The following FRAS1 variants were observed in gnomAD, a reference collection of about 807,000 sequenced individuals.
The protein encoded by FRAS1 is Fraser extracellular matrix complex subunit 1, also known as extracellular matrix organizing protein FRAS1.
In FRAS1, 290 loss-of-function variants were observed where a neutral mutation model predicts 435.2. The observed-to-expected ratio is 0.67, with a 90% confidence interval of 0.61 to 0.73. FRAS1 has a LOEUF of 0.73. Ranked by LOEUF, FRAS1 falls within the 30% of genes least tolerant of loss-of-function variation. The probability of loss-of-function intolerance (pLI) is 0.00; values close to 1 mark genes in which losing one functional copy is unlikely to be tolerated. For missense variants in FRAS1, 4,860 were observed against 5,001.5 expected (o/e 0.97, Z 0.85); for synonymous variants, 1,800 against 1,851.0 (o/e 0.97, Z 0.71).
At chr4:78,478,400 G>T (rs1719916374) in intron 55 of FRAS1, among the ~76,000 whole-genome samples, 1 of 152,298 alleles carries the variant, frequency 6.6e-6, no homozygotes, top group Non-Finnish European at 1.5e-5. Context: ...GTCAAGGAGG[G>T]AAGTTACAGT....
At chr4:78,258,342 A>C (rs1472157105) in intron 6 of FRAS1, among the ~76,000 whole-genome samples, 1 of 72,432 alleles carries the variant, frequency 1.4e-5, no homozygotes, top group African/African-American at 3.8e-5. Context: ...CCTGTATCAA[A>C]AAAAAAAAAA....
intron 20 of FRAS1, among the ~76,000 whole-genome samples, chr4:78,339,122 G>A (rs1198672660): frequency 6.6e-6 from 1 of 152,186 alleles, no homozygotes; most frequent in Admixed American, 6.5e-5. Context: ...GTCGTAGTCA[G>A]GACTGTCTTG....
At position 78,537,060 on chromosome 4, in the gene FRAS1, C is replaced by A. The variant is rs1219344385; in HGVS notation, c.11158C>A (p.Gln3720Lys). 1.9e-6 allele frequency: 3 copies of A among 1,613,994 alleles called. No individual in the cohort carries two copies. The highest frequency in any genetic ancestry group is 2.5e-6 in the Non-Finnish European group (3 of 1,179,890). The change falls in exon 72 of 74, where the codon CAG (glutamine) becomes AAG (lysine). Residue 3720 changes from glutamine to lysine, a missense_variant. Gln to Lys is a moderately conservative substitution (Grantham distance 53). Coordinates refer to ENST00000512123, the MANE Select transcript of FRAS1 (RefSeq NM_025074.7). ...EQNLNSAYKLQLEKVYLCTGK... is the reference protein window; with the variant it reads ...EQNLNSAYKLKLEKVYLCTGK... The stretch of plus-strand genomic sequence containing the variant: ...AAATCTTAATTCTGCTTACAAACTC[C>A]AGCTGGAGAAAGTCTATCTTTGTAC...
chr4:78,160,880 G>A (rs978613223), intron 2 of FRAS1, among the ~76,000 whole-genome samples: 4 of 152,066 alleles, frequency 2.6e-5, no homozygotes, highest in Non-Finnish European at 4.4e-5. Flanking sequence ...GCTCATGCCT[G>A]TTAATCCCAG....
intron 2 of FRAS1, among the ~76,000 whole-genome samples, chr4:78,206,022 A>T (rs527764346): frequency 1.3e-5 from 2 of 152,176 alleles, no homozygotes; most frequent in Non-Finnish European, 2.9e-5. Flanking sequence ...AATCACAAAC[A>T]TGCTACCTGT....
intron 22 of FRAS1, among the ~76,000 whole-genome samples, chr4:78,365,668 G>C (rs1245797433): frequency 2.0e-5 from 3 of 148,296 alleles, no homozygotes; most frequent in African/African-American, 7.5e-5. Flanking sequence ...CCTAAGTTTA[G>C]TCCTTAAATT....
At chr4:78,371,675 T>C (rs939203003) in intron 23 of FRAS1, among the ~76,000 whole-genome samples, 4 of 152,162 alleles carry the variant, frequency 2.6e-5, no homozygotes, top group Non-Finnish European at 5.9e-5. Flanking sequence ...GAATACAGAC[T>C]TACCTTTCTT....
At chr4:78,450,969 A>G (rs368573319) in intron 45 of FRAS1, among the ~76,000 whole-genome samples, 34 of 152,330 alleles carry the variant, frequency 2.2e-4, no homozygotes, top group African/African-American at 7.5e-4. Context: ...AAGTGGAAAT[A>G]TACCCCTGCG....
chr4:78,255,211 C>T (rs58723665), intron 5 of FRAS1, 31 bp from the exon 6 acceptor site: 1 of 1,551,266 alleles, frequency 6.4e-7, no homozygotes, highest in Non-Finnish European at 8.7e-7. Flanking sequence ...ATGCCATCCC[C>T]CTAGTAATCC....
chr4:78,378,644 T>C (rs1329131460), intron 26 of FRAS1, among the ~76,000 whole-genome samples: 2 of 152,208 alleles, frequency 1.3e-5, no homozygotes, highest in Non-Finnish European at 2.9e-5. Context: ...CACCTGCTCA[T>C]GTGCTTATTG....
At chr4:78,457,444 C>T (rs1719237432) in intron 47 of FRAS1, among the ~76,000 whole-genome samples, 1 of 152,124 alleles carries the variant, frequency 6.6e-6, no homozygotes, top group Admixed American at 6.5e-5. Context: ...TTCATGCAGC[C>T]TCTGTGAATC....
rs1324354850 is a variant in FRAS1, at chr4:78,432,509, G to A, written c.5122G>A (p.Asp1708Asn). The change falls in exon 38 of 74, where the codon GAC (aspartate) becomes AAC (asparagine). Residue 1708 changes from aspartate to asparagine, a missense_variant. Asp to Asn is a conservative substitution (Grantham distance 23). Coordinates refer to ENST00000512123, the MANE Select transcript of FRAS1 (RefSeq NM_025074.7). ...EVRVEVSLSE[D>N]RGPRLAAGSS... ...GAGAGTAGAGGTGTCCCTGTCAGAAGACCGAGGGCCTCGACTGGCTGCTGG... is the reference window on the plus strand; with the variant it reads ...GAGAGTAGAGGTGTCCCTGTCAGAAAACCGAGGGCCTCGACTGGCTGCTGG... 1 of 1,613,038 alleles carries A rather than the reference G, an allele frequency of 6.2e-7. No individual in the cohort carries two copies. The highest frequency in any genetic ancestry group is 1.7e-5 in the Admixed American group (1 of 59,850).
Position 78,466,195 on chromosome 4 carries a change from G to A in FRAS1, c.7030-13G>A. The A allele has an allele frequency of 6.2e-7, 1 of 1,610,918 alleles. No homozygotes were observed. Among genetic ancestry groups the A allele is most frequent in the Non-Finnish European group, 8.5e-7 (1 of 1,177,474 alleles). On this transcript the variant is annotated splice_polypyrimidine_tract_variant and intron_variant, in intron 49 of 73. Transcript: ENST00000512123. ...GAGCTTCCCTCCCCTCTGGTATTTT[G>A]CCTTCCGGACAGGCCGAGTCTGTCA... is the stretch of plus-strand genomic sequence containing the variant.
intron 1 of FRAS1, among the ~76,000 whole-genome samples, chr4:78,059,694 G>A (rs1209078877): frequency 6.6e-6 from 1 of 151,874 alleles, no homozygotes; most frequent in African/African-American, 2.4e-5. Flanking sequence ...TAGCTCACCA[G>A]GGGGCAGTTG....
intron 2 of FRAS1, among the ~76,000 whole-genome samples, chr4:78,193,349 C>G (rs910598871): frequency 6.6e-6 from 1 of 152,146 alleles, no homozygotes; most frequent in African/African-American, 2.4e-5. Flanking sequence ...TCTCGTTGAT[C>G]TGTCTAATGT....
At chr4:78,510,471 G>T (rs1027449) in intron 63 of FRAS1, among the ~76,000 whole-genome samples, 1 of 151,966 alleles carries the variant, frequency 6.6e-6, no homozygotes, top group Non-Finnish European at 1.5e-5. Context: ...ATTTTCTTTA[G>T]TTTTTAATGG....
intron 30 of FRAS1, among the ~76,000 whole-genome samples, chr4:78,405,151 T>C (rs1733051298): frequency 6.6e-6 from 1 of 152,202 alleles, no homozygotes; most frequent in African/African-American, 2.4e-5. Context: ...AAAGTGATTT[T>C]TTACATAAAA....
At chr4:78,181,535 C>G in intron 2 of FRAS1, 2 of 1,611,644 alleles carry the variant, frequency 1.2e-6, no homozygotes, top group Non-Finnish European at 1.7e-6. Flanking sequence ...GCCCCCTCGA[C>G]CTCTTCCAAG....
chr4:78,491,251 C>T (rs1197008754), intron 59 of FRAS1, among the ~76,000 whole-genome samples: 3 of 152,182 alleles, frequency 2.0e-5, no homozygotes, highest in African/African-American at 7.2e-5. Flanking sequence ...GGTACCATTA[C>T]TTCTGAAACT....
Sources: allele counts gnomAD v4.1 joint callset (sites outside exome capture counted in the v4.1 genomes callset), GRCh38; gene constraint gnomAD v4.1.1; transcripts MANE v1.5; gene names NCBI Gene and HGNC (gene_info 2026-07-23, HGNC 2026-07-21).